The following SPAG16 variants were observed in gnomAD, a reference collection of about 807,000 sequenced individuals.
SPAG16 encodes sperm associated antigen 16.
A neutral mutation model predicts 80.4 loss-of-function variants in SPAG16; 86 were observed. The observed-to-expected ratio is 1.07, with a 90% CI of 0.90 to 1.28. SPAG16 has a LOEUF of 1.28. SPAG16 is among the 50% of genes most tolerant of loss of function. SPAG16 has a pLI of 0.00. For synonymous variants in SPAG16, 294 were observed against 265.9 expected (o/e 1.11, Z -1.03); for missense variants, 870 against 765.3 (o/e 1.14, Z -1.61).
intron 13 of SPAG16, among the ~76,000 whole-genome samples, chr2:214,092,095 A>G (rs1367605235): frequency 2.0e-5 from 3 of 152,140 alleles, no homozygotes; most frequent in African/African-American, 7.2e-5. Flanking sequence ...ACTATATAGT[A>G]GGCAAAGGAG....
intron 10 of SPAG16, among the ~76,000 whole-genome samples, chr2:213,613,808 A>G (rs908019052): frequency 2.6e-5 from 4 of 152,202 alleles, no homozygotes; most frequent in African/African-American, 7.2e-5. Context: ...TTGTGAATGC[A>G]TGGATGGTTC....
At chr2:213,457,243 C>T (rs1460301106) in intron 9 of SPAG16, among the ~76,000 whole-genome samples, 2 of 152,150 alleles carry the variant, frequency 1.3e-5, no homozygotes, top group African/African-American at 4.8e-5. Flanking sequence ...GCTTTGCTAG[C>T]ATTCCTCTTT....
chr2:214,125,265 C>T (rs1000678915), intron 14 of SPAG16, among the ~76,000 whole-genome samples: 6 of 151,296 alleles, frequency 4.0e-5, no homozygotes, highest in African/African-American at 1.2e-4. Flanking sequence ...AAAATGTTCT[C>T]TTTTTAGTCT....
At chr2:213,319,984 T>A (rs1026729674) in intron 5 of SPAG16, among the ~76,000 whole-genome samples, 18 of 151,976 alleles carry the variant, frequency 1.2e-4, no homozygotes, top group Non-Finnish European at 1.5e-5. Context: ...ATCTAAAAAA[T>A]TAGACAAGGA....
At chr2:214,205,372 A>G (rs1403596005) in intron 15 of SPAG16, among the ~76,000 whole-genome samples, 1 of 152,228 alleles carries the variant, frequency 6.6e-6, no homozygotes, top group Admixed American at 6.5e-5. Flanking sequence ...TAAGTTGATA[A>G]TGTATTTTAC....
intron 10 of SPAG16, among the ~76,000 whole-genome samples, chr2:213,628,908 T>G (rs1175844885): frequency 6.6e-6 from 1 of 152,220 alleles, no homozygotes; most frequent in Non-Finnish European, 1.5e-5. Flanking sequence ...GTGTTGTTTG[T>G]ATTAAGCACT....
Position 213,746,186 on chromosome 2 carries a change from T to G in SPAG16, c.1071-116299T>G, listed in dbSNP as rs368776909. On this transcript the variant is annotated intron_variant, in intron 10 of 15. Transcript: ENST00000331683. ...CCAAATATGTATTTTTCATCATACT[T>G]TATCCATTAAGCCACTGAAGTCTTT... Among the ~76,000 whole-genome samples, 329 of 152,354 alleles carry G rather than the reference T, an allele frequency of 2.2e-3. 6 individuals are homozygous for G. Among genetic ancestry groups the G allele is most frequent in the South Asian group, 0.011 (53 of 4,830 alleles).
intron 15 of SPAG16, among the ~76,000 whole-genome samples, chr2:214,395,536 G>A (rs1244930499): frequency 6.6e-6 from 1 of 152,026 alleles, no homozygotes; most frequent in East Asian, 1.9e-4. Flanking sequence ...TATTTTTATG[G>A]TAAGTTTTAT....
Position 214,218,294 on chromosome 2 carries a change from G to A in SPAG16, c.1720+69028G>A, listed in dbSNP as rs561377136. Among the ~76,000 whole-genome samples the A allele has an allele frequency of 4.8e-3, 729 of 152,238 alleles. 3 individuals carry two copies. The highest frequency in any genetic ancestry group is 0.024 in the Middle Eastern group (7 of 294). On this transcript the variant is annotated intron_variant, in intron 15 of 15. Transcript: ENST00000331683. ...TCGAGGTCCCCTTAAACAGTCTGGG[G>A]GACCCCTAGAAGTCCTGAAGCCACC...
At chr2:213,937,368 G>T (rs1368557481) in intron 12 of SPAG16, among the ~76,000 whole-genome samples, 2 of 151,814 alleles carry the variant, frequency 1.3e-5, no homozygotes. Flanking sequence ...ACTTGAAAGG[G>T]CACCCAAGGT....
rs758791022 is a variant in SPAG16, at chr2:213,862,479, G to A, written c.1071-6G>A. The A allele has an allele frequency of 2.2e-5, 35 of 1,612,128 alleles. No homozygotes were observed. The highest frequency in any genetic ancestry group is 1.9e-4 in the South Asian group (17 of 90,984). ...CCATAACTCTTTTTTCTTTCTCCTC[G>A]CGCAGTGTCTCCATGCAACCCCACA... On this transcript the variant is annotated splice_region_variant and splice_polypyrimidine_tract_variant and intron_variant, in intron 10 of 15. Coordinates refer to ENST00000331683, the MANE Select transcript of SPAG16 (RefSeq NM_024532.5).
intron 10 of SPAG16, among the ~76,000 whole-genome samples, chr2:213,514,673 T>TG (rs763768009): frequency 1.3e-4 from 18 of 140,958 alleles, no homozygotes; most frequent in Non-Finnish European, 1.2e-4. Context: ...TGTGTCCATG[T>TG]GATCTCATTG....
chr2:213,909,118 A>C (rs1263031875), intron 11 of SPAG16, among the ~76,000 whole-genome samples: 10 of 152,182 alleles, frequency 6.6e-5, no homozygotes, highest in Admixed American at 1.3e-4. Context: ...GAGTGAACTC[A>C]CATTCACAAT....
At position 213,754,106 on chromosome 2, in the gene SPAG16, C is replaced by T. The variant is rs557727886; in HGVS notation, c.1071-108379C>T. Among the ~76,000 whole-genome samples, 56 of 152,224 alleles carry T rather than the reference C, an allele frequency of 3.7e-4. 1 individual carries two copies. In the South Asian group the frequency reaches 0.011, roughly 29 times the overall value. On this transcript the variant is annotated intron_variant, in intron 10 of 15. Transcript: ENST00000331683. The stretch of plus-strand genomic sequence containing the variant: ...AAAAACTAAGATAATTAGGCCTGTT[C>T]CAACTCTTAGACTTCAGATCAAATC...
intron 15 of SPAG16, among the ~76,000 whole-genome samples, chr2:214,406,205 C>T (rs1317303509): frequency 1.3e-5 from 2 of 152,088 alleles, no homozygotes; most frequent in Admixed American, 1.3e-4. Flanking sequence ...TAAGGTAACT[C>T]CTGGTTATTC....
intron 15 of SPAG16, among the ~76,000 whole-genome samples, chr2:214,268,960 C>T (rs1691792904): frequency 6.6e-6 from 1 of 151,886 alleles, no homozygotes; most frequent in African/African-American, 2.4e-5. Flanking sequence ...CTAAAAATCA[C>T]ATTTAATAAC....
chr2:213,913,561 CTGTG>C (rs1252499520), intron 11 of SPAG16, among the ~76,000 whole-genome samples: 3 of 122,888 alleles, frequency 2.4e-5, no homozygotes, highest in East Asian at 4.7e-4. Context: ...GTGTATCTCT[CTGTG>C]TGTGTATATA....
intron 15 of SPAG16, among the ~76,000 whole-genome samples, chr2:214,213,142 G>A (rs1371647557): frequency 6.6e-6 from 1 of 152,148 alleles, no homozygotes; most frequent in African/African-American, 2.4e-5. Context: ...GTTGTGAAGG[G>A]AATTCTAATC....
At chr2:214,134,656 C>T (rs1361627520) in intron 14 of SPAG16, among the ~76,000 whole-genome samples, 1 of 152,112 alleles carries the variant, frequency 6.6e-6, no homozygotes, top group Non-Finnish European at 1.5e-5. Flanking sequence ...AACTTGAGTA[C>T]CACAAGAAAG....
Sources: allele counts gnomAD v4.1 joint callset (sites outside exome capture counted in the v4.1 genomes callset), GRCh38; gene constraint gnomAD v4.1.1; transcripts MANE v1.5; gene names NCBI Gene and HGNC (gene_info 2026-07-23, HGNC 2026-07-21).